TGFA: variants seen among roughly 807,000 people sequenced by gnomAD.
TGFA encodes transforming growth factor alpha, also known as protransforming growth factor alpha.
A neutral mutation model predicts 21.7 loss-of-function variants in TGFA; 12 were observed. The ratio of observed to expected loss-of-function variants is 0.55; its 90% CI spans 0.35 to 0.90. The LOEUF is 0.90. TGFA is among the 40% of genes least tolerant of loss of function. The probability of loss-of-function intolerance (pLI) is 0.01; values close to 1 mark genes in which losing one functional copy is unlikely to be tolerated. For synonymous variants in TGFA, 79 were observed against 88.1 expected, an observed-to-expected ratio of 0.90 and a Z score of 0.58; for missense variants, 178 against 210.8, an observed-to-expected ratio of 0.84 and a Z score of 0.96.
At chr2:70,520,865 T>C (rs1672428855) in intron 1 of TGFA, among the ~76,000 whole-genome samples, 1 of 152,284 alleles carries the variant, frequency 6.6e-6, no homozygotes, top group Non-Finnish European at 1.5e-5. Flanking sequence ...ATTGAACTCA[T>C]GTCTTCCACC....
At chr2:70,496,512 G>A (rs1476034378) in intron 2 of TGFA, among the ~76,000 whole-genome samples, 1 of 152,166 alleles carries the variant, frequency 6.6e-6, no homozygotes, top group Non-Finnish European at 1.5e-5. Flanking sequence ...CATAACCTCA[G>A]ACCTGACTCT....
At chr2:70,525,881 C>T (rs557043896) in intron 1 of TGFA, among the ~76,000 whole-genome samples, 66 of 152,202 alleles carry the variant, frequency 4.3e-4, no homozygotes, top group African/African-American at 1.5e-3. Context: ...ATGGTGGGGC[C>T]GCGGATGCTA....
chr2:70,493,788 C>A (rs924998607), intron 2 of TGFA, among the ~76,000 whole-genome samples: 4 of 152,170 alleles, frequency 2.6e-5, no homozygotes, highest in Non-Finnish European at 4.4e-5. Context: ...AGAAAAGGAG[C>A]TCTAAAGAGG....
rs150282481 is a variant in TGFA at position 70,485,413 on chromosome 2, T to A, written c.95-19677A>T. Among the ~76,000 whole-genome samples, 15 of 152,256 alleles carry A rather than the reference T, an allele frequency of 9.9e-5. No homozygotes were observed. The Middle Eastern group carries it at 0.014, about 138-fold the overall frequency. On this transcript the variant is annotated intron_variant, in intron 2 of 5. Transcript: ENST00000295400. ...CCACCGTGCCTGGCTAATTTTTGTA[T>A]TTTTAGTAGAGATGGGGTTTCACCA... is the stretch of plus-strand genomic sequence containing the variant.
At chr2:70,547,381 G>A (rs1673338119) in intron 1 of TGFA, among the ~76,000 whole-genome samples, 2 of 151,940 alleles carry the variant, frequency 1.3e-5, no homozygotes, top group Admixed American at 6.6e-5. Flanking sequence ...ATTGCCTGAG[G>A]TCAGGAGTTC....
At chr2:70,537,983 T>C (rs377544683) in intron 1 of TGFA, among the ~76,000 whole-genome samples, 2 of 152,338 alleles carry the variant, frequency 1.3e-5, no homozygotes, top group South Asian at 2.1e-4. Flanking sequence ...GATTCTCTTG[T>C]TAGGGGCTAA....
chr2:70,466,040 A>T (rs1399612850), intron 2 of TGFA, among the ~76,000 whole-genome samples: 2 of 152,224 alleles, frequency 1.3e-5, no homozygotes, highest in African/African-American at 4.8e-5. Context: ...ACCTAATTTC[A>T]CTTTTGCAAA....
intron 2 of TGFA, among the ~76,000 whole-genome samples, chr2:70,507,692 G>A (rs1186717943): frequency 6.6e-6 from 1 of 152,188 alleles, no homozygotes; most frequent in Non-Finnish European, 1.5e-5. Context: ...AATTCGGTTC[G>A]CTATTAATGT....
intron 2 of TGFA, among the ~76,000 whole-genome samples, chr2:70,474,086 TG>T (rs1302864754): frequency 6.6e-5 from 10 of 152,244 alleles, no homozygotes; most frequent in Non-Finnish European, 1.5e-5. Context: ...TGACCCTATT[TG>T]CTTTTTAACT....
At chr2:70,492,369 C>T (rs782195831) in intron 2 of TGFA, among the ~76,000 whole-genome samples, 6 of 152,306 alleles carry the variant, frequency 3.9e-5, no homozygotes, top group Middle Eastern at 6.8e-3. Flanking sequence ...CATGGTCAAT[C>T]GAGCATGGCC....
intron 3 of TGFA, among the ~76,000 whole-genome samples, chr2:70,459,994 C>T (rs551321191): frequency 5.9e-5 from 9 of 152,232 alleles, no homozygotes; most frequent in Non-Finnish European, 1.0e-4. Flanking sequence ...CAGTGGGTCT[C>T]ACCTACAGTT....
intron 2 of TGFA, among the ~76,000 whole-genome samples, chr2:70,507,111 C>T (rs1485228219): frequency 5.9e-5 from 9 of 152,216 alleles, no homozygotes; most frequent in African/African-American, 2.2e-4. Context: ...AAATGGGTGT[C>T]CCTCATGCAA....
In TGFA at chr2:70,514,884, C is replaced by T. The variant is rs1672222878; in HGVS notation, c.69G>A (p.Leu23=). The part of the protein sequence containing the change: ...LGIVLAACQA[L]ENSTSPLSAD... ...CACTCAGCGGGGACGTGCTGTTCTC[C>T]AAGGCCTGGCACGCAGCCAACACAA... The change falls in exon 2 of 6, where the codon TTG becomes TTA. Residue 23 remains leucine (L), a synonymous_variant. Coordinates refer to ENST00000295400, the MANE Select transcript of TGFA (RefSeq NM_003236.4). The T allele has an allele frequency of 5.6e-6, 9 of 1,614,052 alleles. No homozygotes were observed. The highest frequency in any genetic ancestry group is 7.6e-6 in the Non-Finnish European group (9 of 1,180,012).
At chr2:70,473,576 G>A (rs1448986134) in intron 2 of TGFA, among the ~76,000 whole-genome samples, 2 of 151,860 alleles carry the variant, frequency 1.3e-5, no homozygotes, top group East Asian at 1.9e-4. Flanking sequence ...AATGAGCAGC[G>A]GATGTCAGCA....
chr2:70,519,186 C>T (rs2103867900), intron 1 of TGFA, among the ~76,000 whole-genome samples: 1 of 152,216 alleles, frequency 6.6e-6, no homozygotes, highest in South Asian at 2.1e-4. Flanking sequence ...CCTCCCCTAC[C>T]ATTCTTAGAC....
intron 5 of TGFA, among the ~76,000 whole-genome samples, chr2:70,452,938 G>A (rs1055854550): frequency 5.9e-5 from 9 of 152,040 alleles, no homozygotes; most frequent in Non-Finnish European, 7.4e-5. Flanking sequence ...GTAAGACTCC[G>A]TCTCAAAAAA....
intron 4 of TGFA, 59 bp downstream of exon 4, chr2:70,456,280 G>A: frequency 6.6e-7 from 1 of 1,510,714 alleles, no homozygotes; most frequent in Non-Finnish European, 8.9e-7. Flanking sequence ...ATATACTGCG[G>A]ATGTCCCTGG....
chr2:70,452,978 T>C (rs1341682007), intron 5 of TGFA, among the ~76,000 whole-genome samples: 7 of 152,046 alleles, frequency 4.6e-5, no homozygotes, highest in Non-Finnish European at 1.0e-4. Flanking sequence ...AAAAAAACTC[T>C]GAGGCTGTGA....
intron 2 of TGFA, among the ~76,000 whole-genome samples, chr2:70,477,748 C>G (rs1241363029): frequency 3.3e-5 from 5 of 152,122 alleles, no homozygotes; most frequent in African/African-American, 4.8e-5. Flanking sequence ...AGGGAGGAGC[C>G]ACAGGATGGA....
Sources: allele counts gnomAD v4.1 joint callset (sites outside exome capture counted in the v4.1 genomes callset), GRCh38; gene constraint gnomAD v4.1.1; transcripts MANE v1.5; gene names NCBI Gene and HGNC (gene_info 2026-07-23, HGNC 2026-07-21).